MAPK7: variants seen among roughly 807,000 people sequenced by gnomAD.
MAPK7 encodes mitogen-activated protein kinase 7, also known as BMK-1.
Under a neutral mutation model 56.9 loss-of-function variants are expected in MAPK7, and 30 were observed. The observed-to-expected ratio is 0.53, with a 90% CI of 0.39 to 0.72. The LOEUF (loss-of-function observed/expected upper bound fraction) is 0.72, where lower values mean the gene tolerates loss of function less well. MAPK7 is among the 30% of genes least tolerant of loss of function. The pLI, the probability that MAPK7 is intolerant of heterozygous loss-of-function variation, is 0.00. For synonymous variants in MAPK7, 516 were observed against 449.3 expected (o/e 1.15, Z -1.88); for missense variants, 952 against 1,110.8 (o/e 0.86, Z 2.03).
Position 19,382,094 on chromosome 17 carries a change from A to C in MAPK7, c.1791A>C (p.Pro597=), listed in dbSNP as rs1177697293. 3.1e-6 allele frequency: 5 copies of C among 1,608,654 alleles called. No individual in the cohort carries two copies. The highest frequency in any genetic ancestry group is 1.3e-5 in the African/African-American group (1 of 74,130). ...CTGCCCCAGCGCCAACGCCAACCCC[A>C]ACCCCAGTCCAACCTACCAGTCCTC... ...PAPAPAPTPT[P]TPVQPTSPPP... Residue 597 remains proline (P), a synonymous_variant, in exon 5 of 7, where the codon CCA becomes CCC. Transcript: ENST00000395604.
upstream of MAPK7, chr17:19,378,054 G>C: frequency 1.0e-6 from 1 of 985,416 alleles, no homozygotes; most frequent in Non-Finnish European, 1.2e-6. This position sits in a 1 kb window ranked among gnomAD's most constrained non-coding sequence, Gnocchi z 5.4. Flanking sequence ...AGCAAATGGC[G>C]GACACAATTC....
Position 19,383,330 on chromosome 17 carries a change from G to T in MAPK7, c.*99G>T. 2.2e-6 allele frequency: 3 copies of T among 1,360,470 alleles called. 1 individual carries two copies. In the South Asian group the frequency reaches 4.1e-5, roughly 19 times the overall value. The allele number at this position is 1,360,470 out of a possible 1,614,324, so 84.3% of individuals were successfully genotyped here. A position where few individuals can be genotyped will look rare whatever the true frequency, so the allele number is the denominator to read the frequency against. ...GCCCTGGACCCAGCAGGTGAGGCTCGGCTTGGATTATTCTGCAGGTTCATC... is the reference window on the plus strand; with the variant it reads ...GCCCTGGACCCAGCAGGTGAGGCTCTGCTTGGATTATTCTGCAGGTTCATC... On this transcript the variant is annotated 3_prime_UTR_variant, in exon 7 of 7. Transcript: ENST00000395604.
rs1411202953 is a variant in MAPK7, at chr17:19,381,743, C to T, written c.1478-38C>T. The T allele has an allele frequency of 1.6e-5, 24 of 1,540,612 alleles. No individual in the cohort carries two copies. The highest frequency in any genetic ancestry group is 1.9e-5 in the Non-Finnish European group (22 of 1,146,900). Reference sequence around the variant, plus strand: ...GGAGACTTGGACTTGGACAAGGCTTCAGGCTTTTACCTTCTCCCCTGCCCA... The same window carrying T: ...GGAGACTTGGACTTGGACAAGGCTTTAGGCTTTTACCTTCTCCCCTGCCCA... On this transcript the variant is annotated intron_variant, in intron 4 of 6. Coordinates refer to ENST00000395604, the MANE Select transcript of MAPK7 (RefSeq NM_002749.4). This position sits in a 1 kb window ranked among gnomAD's most constrained non-coding sequence, Gnocchi z 4.6.
chr17:19,381,928 A>G lies in MAPK7; in HGVS notation c.1625A>G (p.Glu542Gly). The change falls in exon 5 of 7, where the codon GAA becomes GGA. Residue 542 changes from glutamate to glycine, a missense_variant. Physicochemically the swap from Glu to Gly is moderately conservative, Grantham distance 98. Around this residue, in one of 5 missense-constraint regions of MAPK7, gnomAD observed 429 missense variants for 533.0 expected, o/e 0.80. Coordinates refer to ENST00000395604, the MANE Select transcript of MAPK7 (RefSeq NM_002749.4). This position sits in a 1 kb window ranked among gnomAD's most constrained non-coding sequence, Gnocchi z 4.6. ...EKRRQERERK[E>G]RGAGASGGPS... ...CGGCGGCAGGAGCGGGAGCGAAAGG[A>G]ACGGGGGGCTGGGGCCTCTGGGGGC... 6.4e-7 allele frequency: 1 copy of G among 1,552,588 alleles called. No individual in the cohort carries two copies. Among genetic ancestry groups the G allele is most frequent in the South Asian group, 1.2e-5 (1 of 84,290 alleles).
chr17:19,380,087 T>C (rs1912518566), intron 3 of MAPK7, 140 bp downstream of exon 3: 11 of 903,704 alleles, frequency 1.2e-5, no homozygotes, highest in Non-Finnish European at 1.7e-5. Context: ...ACCAGTTCTT[T>C]AGAGTTTTGC....
chr17:19,380,440 G>A (rs1912550440), intron 3 of MAPK7, 168 bp from the exon 4 acceptor site: 2 of 1,409,910 alleles, frequency 1.4e-6, no homozygotes, highest in East Asian at 2.6e-5. Flanking sequence ...AAAAGTCGTA[G>A]AGAATCTAAA....
In MAPK7 at chr17:19,379,829, AC is replaced by A. The variant is rs1912489277; in HGVS notation, c.282del (p.Asn95MetfsTer9). 1.2e-6 allele frequency: 2 copies of A among 1,614,084 alleles called. No homozygotes were observed. Among genetic ancestry groups the A allele is most frequent in the African/African-American group, 2.7e-5 (2 of 74,920 alleles). Reference sequence around the variant, plus strand: ...GATCCCTAATGCTTTCGATGTGGTGACCAATGCCAAGCGGACCCTCAGGGAG... The same window carrying A: ...GATCCCTAATGCTTTCGATGTGGTGACAATGCCAAGCGGACCCTCAGGGAG... The part of the protein sequence containing the change: ...KKIPNAFDVV[T>X]NAKRTLRELK... On this transcript the variant is annotated frameshift_variant, in exon 3 of 7. Coordinates refer to ENST00000395604, the MANE Select transcript of MAPK7 (RefSeq NM_002749.4). LOFTEE classifies it high-confidence loss of function.
In MAPK7 at chr17:19,382,234, G is replaced by C. The variant is rs554667705; in HGVS notation, c.1931G>C (p.Gly644Ala). 6.2e-7 allele frequency: 1 copy of C among 1,611,046 alleles called. No individual in the cohort carries two copies. The highest frequency in any genetic ancestry group is 2.2e-5 in the East Asian group (1 of 44,808). Residue 644 changes from glycine (G) to alanine (A), a missense_variant, in exon 5 of 7, where the codon GGC becomes GCC. By Grantham distance (60) the Gly-to-Ala change is moderately conservative. Coordinates refer to ENST00000395604, the MANE Select transcript of MAPK7 (RefSeq NM_002749.4). Reference protein sequence around the residue: ...PPPGPAPHPTGPPGPIPVPAP... With the variant: ...PPPGPAPHPTAPPGPIPVPAP... The stretch of plus-strand genomic sequence containing the variant: ...CCTGGCCCTGCACCCCACCCCACTG[G>C]CCCTCCTGGGCCCATCCCTGTCCCC...
chr17:19,378,184 A>G (rs949487425), upstream of MAPK7: 1 of 983,376 alleles, frequency 1.0e-6, no homozygotes, highest in South Asian at 4.7e-5. This position sits in a 1 kb window ranked among gnomAD's most constrained non-coding sequence, Gnocchi z 5.4. Context: ...GATGAGGTTG[A>G]GAGCTTCATG....
Position 19,380,746 on chromosome 17 carries a change from C to G in MAPK7, c.537C>G (p.Ile179Met). 6.2e-7 allele frequency: 1 copy of G among 1,614,186 alleles called. No individual in the cohort carries two copies. The highest frequency in any genetic ancestry group is 8.5e-7 in the Non-Finnish European group (1 of 1,180,026). The stretch of plus-strand genomic sequence containing the variant: ...AGTACATGCACTCGGCTCAGGTCAT[C>G]CACCGTGACCTGAAGCCCTCCAACC... ...GLKYMHSAQV[I>M]HRDLKPSNLL... The change falls in exon 4 of 7, where the codon ATC (isoleucine) becomes ATG (methionine). Residue 179 changes from isoleucine (I) to methionine (M), a missense_variant. By Grantham distance (10) the Ile-to-Met change is conservative. Transcript: ENST00000395604.
In MAPK7 at chr17:19,378,643, C is replaced by T; in HGVS notation, c.-6+13C>T. The stretch of plus-strand genomic sequence containing the variant: ...AGGAGGCGCGGGGGTGAGTGCGGCC[C>T]TGAGGAAACCCAGGTGCCCCGCCCC... On this transcript the variant is annotated intron_variant, in intron 1 of 6. Coordinates refer to ENST00000395604, the MANE Select transcript of MAPK7 (RefSeq NM_002749.4). This position sits in a 1 kb window ranked among gnomAD's most constrained non-coding sequence, Gnocchi z 5.4. 1 of 1,398,596 alleles carries T rather than the reference C, an allele frequency of 7.2e-7. No homozygotes were observed. Among genetic ancestry groups the T allele is most frequent in the Non-Finnish European group, 9.3e-7 (1 of 1,079,198 alleles). The allele number at this position is 1,398,596 out of a possible 1,614,324, so 86.6% of individuals were successfully genotyped here. A position where few individuals can be genotyped will look rare whatever the true frequency, so the allele number is the denominator to read the frequency against.
chr17:19,382,194 C>T lies in MAPK7; in HGVS notation c.1891C>T (p.Pro631Ser). 6.2e-7 allele frequency: 1 copy of T among 1,612,392 alleles called. No individual in the cohort carries two copies. Among genetic ancestry groups the T allele is most frequent in the Non-Finnish European group, 8.5e-7 (1 of 1,179,716 alleles). Residue 631 changes from proline (P) to serine (S), a missense_variant, in exon 5 of 7, where the codon CCT becomes TCT. This residue lies in a region of MAPK7 where 234 missense variants were observed against 210.4 expected (regional missense o/e 1.11). Transcript: ENST00000395604. Reference protein sequence around the residue: ...AGSTSGPVPQPACPPPGPAPH... With the variant: ...AGSTSGPVPQSACPPPGPAPH... ...CTCTACCTCTGGCCCTGTACCCCAG[C>T]CTGCCTGCCCACCCCCTGGCCCTGC...
rs769933821 is a variant in MAPK7 at position 19,382,084 on chromosome 17, C to G, written c.1781C>G (p.Thr594Arg). The G allele has an allele frequency of 6.2e-7, 1 of 1,605,996 alleles. No homozygotes were observed. Among genetic ancestry groups the G allele is most frequent in the Admixed American group, 1.7e-5 (1 of 58,898 alleles). The change falls in exon 5 of 7, where the codon ACG becomes AGG. Residue 594 changes from threonine (T) to arginine (R), a missense_variant. Around this residue, in one of 5 missense-constraint regions of MAPK7, gnomAD observed 234 missense variants for 210.4 expected, o/e 1.11. Transcript: ENST00000395604. ...GTGCCGGCCCCTGCCCCAGCGCCAA[C>G]GCCAACCCCAACCCCAGTCCAACCT... ...TSVPAPAPAP[T>R]PTPTPVQPTS...
rs1567917496 is a variant in MAPK7, at chr17:19,378,780, T to A, written c.-5-116T>A. 33 of 1,292,318 alleles carry A rather than the reference T, an allele frequency of 2.6e-5. No individual in the cohort carries two copies. The highest frequency in any genetic ancestry group is 2.3e-4 in the Middle Eastern group (1 of 4,394). 80.1% of individuals were successfully genotyped at this position (1,292,318 alleles called of 1,614,324 possible). On this transcript the variant is annotated intron_variant, in intron 1 of 6. Transcript: ENST00000395604. The surrounding 1 kb of genome is among the most constrained non-coding windows in gnomAD (Gnocchi z 5.4). ...AGTCTGCCACGAACCAGCCGCGCGC[T>A]TCTGCCCTTGTCGGTTTAGGAAACT...
chr17:19,378,785 C>A lies in MAPK7; in HGVS notation c.-5-111C>A. On this transcript the variant is annotated intron_variant, in intron 1 of 6. Transcript: ENST00000395604. This position sits in a 1 kb window ranked among gnomAD's most constrained non-coding sequence, Gnocchi z 5.4. ...GCCACGAACCAGCCGCGCGCTTCTG[C>A]CCTTGTCGGTTTAGGAAACTGGGAA... The A allele has an allele frequency of 7.7e-7, 1 of 1,301,086 alleles. No homozygotes were observed. The highest frequency in any genetic ancestry group is 1.0e-6 in the Non-Finnish European group (1 of 968,332). The allele number at this position is 1,301,086 out of a possible 1,614,324, so 80.6% of individuals were successfully genotyped here.
At position 19,382,894 on chromosome 17, in the gene MAPK7, G is replaced by A. The variant is rs1912844871; in HGVS notation, c.2245G>A (p.Glu749Lys). ...CTACGGTGTTGGCTTTGACCTGGAG[G>A]AATTCTTAAACCAGTCTTTCGACAT... ...AGYGVGFDLEEFLNQSFDMGV... is the reference protein window; with the variant it reads ...AGYGVGFDLEKFLNQSFDMGV... The change falls in exon 6 of 7, where the codon GAA (glutamate) becomes AAA (lysine). Residue 749 changes from glutamate to lysine, a missense_variant. Around this residue, in one of 5 missense-constraint regions of MAPK7, gnomAD observed 73 missense variants for 104.6 expected, o/e 0.70. Transcript: ENST00000395604. 6.2e-7 allele frequency: 1 copy of A among 1,614,138 alleles called. No homozygotes were observed. The highest frequency in any genetic ancestry group is 8.5e-7 in the Non-Finnish European group (1 of 1,180,048).
chr17:19,382,528 G>A (rs2152294323), intron 5 of MAPK7, 62 bp downstream of exon 5: 1 of 1,518,968 alleles, frequency 6.6e-7, no homozygotes, highest in South Asian at 1.3e-5. Context: ...ATGGGTTCAG[G>A]AAGCGGTCAG....
In MAPK7 at chr17:19,378,761, C is replaced by T; in HGVS notation, c.-6+131C>T. ...CCGGACCCCTGGGGTAGCTAGTCTG[C>T]CACGAACCAGCCGCGCGCTTCTGCC... On this transcript the variant is annotated intron_variant, in intron 1 of 6. Transcript: ENST00000395604. The surrounding 1 kb of genome is among the most constrained non-coding windows in gnomAD (Gnocchi z 5.4). 2 of 1,291,774 alleles carry T rather than the reference C, an allele frequency of 1.5e-6. No homozygotes were observed. Among genetic ancestry groups the T allele is most frequent in the Admixed American group, 2.9e-5 (1 of 34,944 alleles). 80.0% of individuals were successfully genotyped at this position (1,291,774 alleles called of 1,614,324 possible).
chr17:19,380,464 C>G, intron 3 of MAPK7, 144 bp from the exon 4 acceptor site: 1 of 1,435,588 alleles, frequency 7.0e-7, no homozygotes, highest in Non-Finnish European at 9.1e-7. Context: ...TGATGCTCTT[C>G]TTCCATACCA....
Sources: gnomAD v4.1 joint callset for allele counts on GRCh38, gnomAD v4.1.1 for gene constraint, gnomAD v4.1.1 regional missense constraint, Gnocchi (gnomAD v3.1) non-coding constraint, MANE v1.5 for transcripts, NCBI Gene and HGNC (gene_info 2026-07-23, HGNC 2026-07-21) for gene names.